Variants in RAB10 observed in about 807,000 individuals in gnomAD.
RAB10 encodes the protein RAB10, member RAS oncogene family.
A neutral mutation model predicts 25.7 loss-of-function variants in RAB10; 5 were observed. The observed-to-expected ratio is 0.19, with a 90% CI of 0.10 to 0.41. The LOEUF is 0.41. RAB10 is among the 10% of genes least tolerant of loss of function. The probability of loss-of-function intolerance (pLI) is 1.00; values close to 1 mark genes in which losing one functional copy is unlikely to be tolerated. For synonymous variants in RAB10, 89 were observed against 86.4 expected, an observed-to-expected ratio of 1.03 and a Z score of -0.16; for missense variants, 103 against 245.8, an observed-to-expected ratio of 0.42 and a Z score of 3.89.
At chr2:26,099,531 GGTT>G (rs1559592791) in intron 2 of RAB10, among the ~76,000 whole-genome samples, 3 of 106,136 alleles carry the variant, frequency 2.8e-5, no homozygotes, top group African/African-American at 1.0e-4. Flanking sequence ...TGTTTTTTTG[GGTT>G]TTTTTTTTTT....
intron 1 of RAB10, among the ~76,000 whole-genome samples, chr2:26,060,903 C>T (rs1265040023): frequency 6.6e-6 from 1 of 151,934 alleles, no homozygotes; most frequent in Non-Finnish European, 1.5e-5. Flanking sequence ...CATTTTGCTA[C>T]TTGAAAAAAA....
chr2:26,126,423 A>G (rs1041719304), intron 3 of RAB10, among the ~76,000 whole-genome samples: 1 of 152,064 alleles, frequency 6.6e-6, no homozygotes, highest in Non-Finnish European at 1.5e-5. Flanking sequence ...CTACCAGAAA[A>G]CTACAAAAAT....
intron 5 of RAB10, among the ~76,000 whole-genome samples, chr2:26,130,014 G>A (rs187247393): frequency 6.6e-6 from 1 of 152,302 alleles, no homozygotes; most frequent in Admixed American, 6.5e-5. Flanking sequence ...AACTGGAAGG[G>A]TAGATACCAA....
At chr2:26,053,788 C>T (rs1329316258) in intron 1 of RAB10, among the ~76,000 whole-genome samples, 2 of 152,018 alleles carry the variant, frequency 1.3e-5, no homozygotes, top group African/African-American at 4.8e-5. Context: ...GGCACAGTCT[C>T]GGCTCACTGC....
intron 1 of RAB10, among the ~76,000 whole-genome samples, chr2:26,054,695 T>C (rs1574529811): frequency 6.6e-6 from 1 of 152,236 alleles, no homozygotes; most frequent in East Asian, 1.9e-4. Flanking sequence ...TGCAGGAAAG[T>C]TAGAACACTC....
At chr2:26,088,944 G>A (rs986247248) in intron 1 of RAB10, among the ~76,000 whole-genome samples, 1 of 151,240 alleles carries the variant, frequency 6.6e-6, no homozygotes, top group African/African-American at 2.4e-5. Context: ...TTTCTTAGGT[G>A]TTTGCATGTG....
chr2:26,122,949 G>A (rs1298841618), intron 3 of RAB10, among the ~76,000 whole-genome samples: 1 of 152,134 alleles, frequency 6.6e-6, no homozygotes, highest in Admixed American at 6.5e-5. Context: ...AAAGAAGAAA[G>A]CACAGGGAAT....
intron 1 of RAB10, among the ~76,000 whole-genome samples, chr2:26,077,520 T>C (rs973013594): frequency 3.3e-5 from 5 of 152,226 alleles, no homozygotes; most frequent in Admixed American, 2.0e-4. Flanking sequence ...GATTCAACAG[T>C]TTTTAGGCAT....
rs756048632 is a variant in RAB10 at position 26,034,566 on chromosome 2, C to T, written c.-43C>T. 3.1e-6 allele frequency: 5 copies of T among 1,611,588 alleles called. No homozygotes were observed. Among genetic ancestry groups the T allele is most frequent in the South Asian group, 1.1e-5 (1 of 90,944 alleles). Reference sequence around the variant, plus strand: ...GTTGGCCGTAGTGAGAGGGACCGATCCCTTGGGGCCGCCGGCGGCGAGAGC... The same window carrying T: ...GTTGGCCGTAGTGAGAGGGACCGATTCCTTGGGGCCGCCGGCGGCGAGAGC... On this transcript the variant is annotated 5_prime_UTR_variant, in exon 1 of 6. Coordinates refer to ENST00000264710, the MANE Select transcript of RAB10 (RefSeq NM_016131.5).
intron 1 of RAB10, among the ~76,000 whole-genome samples, chr2:26,039,348 A>C (rs1459625455): frequency 6.7e-6 from 1 of 149,184 alleles, no homozygotes; most frequent in Non-Finnish European, 1.5e-5. Flanking sequence ...AAAGTAAAAA[A>C]ATTTTTTTTC....
Position 26,034,439 on chromosome 2 carries a change from C to A in RAB10, c.-170C>A. 1 of 859,990 alleles carries A rather than the reference C, an allele frequency of 1.2e-6. No individual in the cohort carries two copies. The highest frequency in any genetic ancestry group is 1.7e-6 in the Non-Finnish European group (1 of 574,334). The allele number at this position is 859,990 out of a possible 1,614,324, so 53.3% of individuals were successfully genotyped here. On this transcript the variant is annotated 5_prime_UTR_variant, in exon 1 of 6. It adds an upstream start codon to the 5' untranslated region. Transcript: ENST00000264710. ...CCCTCGGAGGCACTGGACGCCGCCA[C>A]TGTCGGGGCTTCCTCAAAGCTGTTC...
chr2:26,077,636 C>T (rs1666766337), intron 1 of RAB10, among the ~76,000 whole-genome samples: 1 of 151,926 alleles, frequency 6.6e-6, no homozygotes, highest in Non-Finnish European at 1.5e-5. Context: ...AATTTTAATG[C>T]CGTATAATGT....
chr2:26,112,709 G>A (rs1667599437), intron 3 of RAB10, among the ~76,000 whole-genome samples: 1 of 152,098 alleles, frequency 6.6e-6, no homozygotes, highest in East Asian at 1.9e-4. Flanking sequence ...GCTGCAGTGA[G>A]CTATTATCAT....
At chr2:26,054,852 AC>A (rs1421865988) in intron 1 of RAB10, among the ~76,000 whole-genome samples, 1 of 152,042 alleles carries the variant, frequency 6.6e-6, no homozygotes. Flanking sequence ...CTGATGGCAC[AC>A]GCCTGTAGTC....
Position 26,132,465 on chromosome 2 carries a change from A to G in RAB10, c.520-2473A>G, listed in dbSNP as rs550394728. On this transcript the variant is annotated intron_variant, in intron 5 of 5. Transcript: ENST00000264710. ...GACAGGGTTTCAACATATTGGCCAG[A>G]CTGGTCTCGAAGTCCTGACCTCAGG... Among the ~76,000 whole-genome samples the G allele has an allele frequency of 4.3e-4, 66 of 152,222 alleles. 2 individuals carry two copies. In the South Asian group the frequency reaches 0.013, roughly 29 times the overall value.
chr2:26,102,040 C>T (rs1667352643), intron 2 of RAB10: 1 of 152,598 alleles, frequency 6.6e-6, no homozygotes, highest in Non-Finnish European at 1.5e-5. Flanking sequence ...TCCTAGGCCT[C>T]AGCAGCAACC....
At chr2:26,043,280 T>C (rs959736099) in intron 1 of RAB10, among the ~76,000 whole-genome samples, 3 of 152,088 alleles carry the variant, frequency 2.0e-5, no homozygotes, top group African/African-American at 7.2e-5. Flanking sequence ...AAATTAGCTG[T>C]ACATGTTGGC....
chr2:26,115,644 T>C (rs1465407973), intron 3 of RAB10, among the ~76,000 whole-genome samples: 1 of 152,136 alleles, frequency 6.6e-6, no homozygotes, highest in African/African-American at 2.4e-5. Flanking sequence ...AAAAATATTA[T>C]AAAGTTAGTA....
At chr2:26,103,910 T>G (rs1283753238) in intron 2 of RAB10, among the ~76,000 whole-genome samples, 5 of 152,216 alleles carry the variant, frequency 3.3e-5, no homozygotes, top group Admixed American at 2.0e-4. Context: ...CATGAATCAG[T>G]ACTTCATTCT....
Sources: gnomAD v4.1 joint callset for allele counts (sites outside exome capture counted in the v4.1 genomes callset) on GRCh38, gnomAD v4.1.1 for gene constraint, MANE v1.5 for transcripts, NCBI Gene and HGNC (gene_info 2026-07-23, HGNC 2026-07-21) for gene names.